The following SAP18 variants were observed in gnomAD, a reference collection of about 807,000 sequenced individuals.
The protein encoded by SAP18 is histone deacetylase complex subunit SAP18.
In SAP18, 4 loss-of-function variants were observed where a neutral mutation model predicts 18.6. The ratio of observed to expected loss-of-function variants is 0.21; its 90% CI spans 0.11 to 0.49. The LOEUF (loss-of-function observed/expected upper bound fraction) is 0.49, where lower values mean the gene tolerates loss of function less well. Among genes scored for constraint, SAP18 ranks in the 20% least tolerant of loss-of-function variants. The pLI, the probability that SAP18 is intolerant of heterozygous loss-of-function variation, is 0.98. For synonymous variants in SAP18, 112 were observed against 82.8 expected (o/e 1.35, Z -1.92); for missense variants, 170 against 226.4 (o/e 0.75, Z 1.60).
intron 2 of SAP18, among the ~76,000 whole-genome samples, chr13:21,146,236 A>G (rs1869645780): frequency 6.6e-6 from 1 of 152,050 alleles, no homozygotes; most frequent in African/African-American, 2.4e-5. Context: ...AATCCCAGCT[A>G]CTCAGGAGGC....
exon 2 of SAP18, chr13:21,140,956 G>A (rs1271435407): frequency 1.2e-6 from 2 of 1,613,310 alleles, no homozygotes; most frequent in Non-Finnish European, 1.7e-6. Context: ...GAGTTCTCCC[G>A]GGGAAATGTA....
intron 2 of SAP18, 182 bp downstream of exon 2, chr13:21,141,177 T>C: frequency 1.7e-6 from 1 of 601,418 alleles, no homozygotes; most frequent in Non-Finnish European, 3.0e-6. Flanking sequence ...TTTGCCCGTA[T>C]TGTAACGCTT....
At chr13:21,146,893 A>G (rs759393970) in exon 3 of SAP18, 9 of 1,613,312 alleles carry the variant, frequency 5.6e-6, no homozygotes, top group East Asian at 2.2e-5. Context: ...CAATTTTGCA[A>G]TCGTTTTTAC....
At chr13:21,141,168 T>G (rs1869452475) in intron 2 of SAP18, 173 bp downstream of exon 2, 2 of 605,772 alleles carry the variant, frequency 3.3e-6, no homozygotes, top group African/African-American at 1.9e-5. Flanking sequence ...GAAAGGAGAT[T>G]TGCCCGTATT....
At chr13:21,140,576 T>C (rs112687601) in exon 1 of SAP18, 4 of 1,603,834 alleles carry the variant, frequency 2.5e-6, no homozygotes. Context: ...GGGTCGGAGG[T>C]CAGGGCGAGC....
chr13:21,140,792 G>T, intron 1 of SAP18, 94 bp from the exon 2 acceptor site: 1 of 1,581,534 alleles, frequency 6.3e-7, no homozygotes, highest in African/African-American at 1.3e-5. Context: ...TCTCGGGGAG[G>T]CTCGGAGGCC....
At chr13:21,145,033 G>A (rs935199679) in intron 2 of SAP18, among the ~76,000 whole-genome samples, 4 of 151,592 alleles carry the variant, frequency 2.6e-5, no homozygotes, top group Admixed American at 6.6e-5. Flanking sequence ...ACGTGACACC[G>A]GTGGAAAATT....
chr13:21,140,572 G>T (rs775933057), exon 1 of SAP18: 1 of 1,603,068 alleles, frequency 6.2e-7, no homozygotes, highest in African/African-American at 1.3e-5. Context: ...GCAGGGGTCG[G>T]AGGTCAGGGC....
intron 2 of SAP18, among the ~76,000 whole-genome samples, chr13:21,142,508 G>A (rs1366226557): frequency 2.0e-5 from 3 of 151,336 alleles, no homozygotes; most frequent in African/African-American, 7.3e-5. Context: ...TGTATTTTTA[G>A]TAGAGACAGG....
At chr13:21,146,234 C>G (rs1029843591) in intron 2 of SAP18, among the ~76,000 whole-genome samples, 13 of 152,128 alleles carry the variant, frequency 8.5e-5, no homozygotes, top group African/African-American at 2.9e-4. Flanking sequence ...GTAATCCCAG[C>G]TACTCAGGAG....
At chr13:21,140,431 C>T (rs561872972), upstream of SAP18, 2 of 1,159,374 alleles carry the variant, frequency 1.7e-6, no homozygotes, top group Non-Finnish European at 2.4e-6. Context: ...GAAGTCGCAA[C>T]ACGCAGGCGC....
chr13:21,146,990 C>A (rs1869673487), intron 3 of SAP18, 63 bp downstream of exon 3: 1 of 1,514,224 alleles, frequency 6.6e-7, no homozygotes. Context: ...TTAACTGATA[C>A]AGATAACTCC....
At chr13:21,144,705 G>GTAC (rs1408248302) in intron 2 of SAP18, among the ~76,000 whole-genome samples, 1 of 152,164 alleles carries the variant, frequency 6.6e-6, no homozygotes, top group African/African-American at 2.4e-5. Flanking sequence ...GCTGACACAA[G>GTAC]TACTGAACCC....
At chr13:21,146,918 C>T in exon 3 of SAP18, 1 of 1,608,050 alleles carries the variant, frequency 6.2e-7, no homozygotes, top group Non-Finnish European at 8.5e-7. Flanking sequence ...GTTAAAAGAC[C>T]TGGCTATCGG....
At chr13:21,141,243 T>C (rs1196522462) in intron 2 of SAP18, 1 of 546,190 alleles carries the variant, frequency 1.8e-6, no homozygotes, top group East Asian at 3.2e-5. Context: ...CCAAGATTGC[T>C]GTCACTGTTA....
At chr13:21,148,828 T>C (rs959108146) in exon 4 of SAP18, 2 of 152,228 alleles carry the variant, frequency 1.3e-5, no homozygotes, top group Non-Finnish European at 1.5e-5. Flanking sequence ...TAAAGGACTT[T>C]GTAAGCCAAA....
chr13:21,140,128 G>C (rs79606767), upstream of SAP18, among the ~76,000 whole-genome samples: 6,826 of 152,256 alleles, frequency 0.045, 264 homozygotes, highest in Non-Finnish European at 0.061. Context: ...TAAGCCACCC[G>C]AACTGTGTGT....
intron 2 of SAP18, chr13:21,146,400 T>G (rs1869652550): frequency 6.4e-6 from 1 of 155,768 alleles, no homozygotes; most frequent in Non-Finnish European, 1.4e-5. Context: ...CTAAGATACA[T>G]TCCAATTTCA....
chr13:21,147,228 T>G, exon 4 of SAP18: 1 of 1,614,108 alleles, frequency 6.2e-7, no homozygotes, highest in African/African-American at 1.3e-5. Context: ...GAAAGGGGAC[T>G]GATGATTCCA....
Sources: gnomAD v4.1 joint callset for allele counts (sites outside exome capture counted in the v4.1 genomes callset) on GRCh38, gnomAD v4.1.1 for gene constraint, MANE v1.5 for transcripts, NCBI Gene and HGNC (gene_info 2026-07-23, HGNC 2026-07-21) for gene names.